The following MUC3A variants were observed in gnomAD, a reference collection of about 807,000 sequenced individuals.
The protein encoded by MUC3A is mucin-3A.
In MUC3A, 109 loss-of-function variants were observed where a neutral mutation model predicts 109.0. The ratio of observed to expected loss-of-function variants is 1.00; its 90% CI spans 0.86 to 1.17. The LOEUF (loss-of-function observed/expected upper bound fraction) is 1.17. Among genes scored for constraint, MUC3A ranks in the 50% most tolerant of loss-of-function variants. The probability of loss-of-function intolerance (pLI) is 0.00; values close to 1 mark genes in which losing one functional copy is unlikely to be tolerated. For missense variants in MUC3A, 3,537 were observed against 2,469.4 expected, an observed-to-expected ratio of 1.43 and a Z score of -9.16; for synonymous variants, 1,398 against 981.4, an observed-to-expected ratio of 1.42 and a Z score of -7.93.
rs77013428 is a variant in MUC3A, at chr7:100,952,880, C to T, written c.1101C>T (p.Leu367=). ...GTACATTGTCCACAGAGACTTCTCT[C>T]CCACCCACCTCTTCCTCTCTCCCAA... ...MTGTLSTETS[L]PPTSSSLPTT... is the part of the protein sequence containing the mutation. The change falls in exon 2 of 12, where the codon CTC becomes CTT. Residue 367 remains leucine (L), a synonymous_variant. Transcript: ENST00000379458. 10 of 1,557,724 alleles carry T rather than the reference C, an allele frequency of 6.4e-6. No homozygotes were observed. The highest frequency in any genetic ancestry group is 8.6e-6 in the Non-Finnish European group (10 of 1,159,086).
intron 4 of MUC3A, 95 bp downstream of exon 4, chr7:100,963,361 C>T: frequency 1.0e-6 from 1 of 994,386 alleles, no homozygotes; most frequent in Non-Finnish European, 1.5e-6. Context: ...TCTTGGGTCA[C>T]TGCAACCTCC....
At position 100,957,353 on chromosome 7, in the gene MUC3A, T is replaced by C. The variant is rs1465405802; in HGVS notation, c.5574T>C (p.Tyr1858=). The C allele has an allele frequency of 4.8e-6, 3 of 626,738 alleles. No individual in the cohort carries two copies. In the African/African-American group the frequency reaches 5.6e-5, roughly 12 times the overall value. 38.8% of individuals were successfully genotyped at this position (626,738 alleles called of 1,614,324 possible). A position where few individuals can be genotyped will look rare whatever the true frequency, so the allele number is the denominator to read the frequency against. Reference sequence around the variant, plus strand: ...CAGATTCCACGACCAGAACCACCTATTCCACCAATATGACAGGTACATTGT... The same window carrying C: ...CAGATTCCACGACCAGAACCACCTACTCCACCAATATGACAGGTACATTGT... ...ALTDSTTRTT[Y]STNMTGTLST... Residue 1858 remains tyrosine, a synonymous_variant, in exon 2 of 12, where the codon TAT becomes TAC. Coordinates refer to ENST00000379458, the MANE Select transcript of MUC3A (RefSeq NM_005960.2).
At position 100,957,931 on chromosome 7, in the gene MUC3A, C is replaced by A; in HGVS notation, c.6152C>A (p.Thr2051Asn). The stretch of plus-strand genomic sequence containing the variant: ...TTCACTTCTTCGATCACCACCGAGA[C>A]CACATCCCACAGTACTCCCAGCTTC... ...PSFTSSITTE[T>N]TSHSTPSFTS... is the part of the protein sequence containing the mutation. Residue 2051 changes from threonine (T) to asparagine (N), a missense_variant, in exon 2 of 12, where the codon ACC becomes AAC. Transcript: ENST00000379458. 1 of 486,802 alleles carries A rather than the reference C, an allele frequency of 2.1e-6. No individual in the cohort carries two copies. The highest frequency in any genetic ancestry group is 3.4e-6 in the Non-Finnish European group (1 of 290,658). 30.2% of individuals were successfully genotyped at this position (486,802 alleles called of 1,614,324 possible). A position where few individuals can be genotyped will look rare whatever the true frequency, so the allele number is the denominator to read the frequency against.
chr7:100,965,149 TGGG>T (rs1792483919), intron 6 of MUC3A, 130 bp from the exon 7 acceptor site: 4 of 2,558 alleles, frequency 1.6e-3, no homozygotes, highest in South Asian at 0.011. Flanking sequence ...TCTCTCCGTC[TGGG>T]AGAGGGCTCT....
At chr7:100,964,129 C>T in intron 5 of MUC3A, 1 of 395,584 alleles carries the variant, frequency 2.5e-6, no homozygotes, top group South Asian at 2.8e-5. Context: ...TGGATGATGG[C>T]TTGATGCAAC....
At chr7:100,964,034 C>A in intron 5 of MUC3A, 1 of 592,586 alleles carries the variant, frequency 1.7e-6, no homozygotes, top group Middle Eastern at 4.4e-4. Flanking sequence ...CTCTGGCTGG[C>A]CCCTGCTCTA....
chr7:100,960,585 C>A lies in MUC3A; in HGVS notation c.8806C>A (p.Arg2936Ser). 6.4e-7 allele frequency: 1 copy of A among 1,563,428 alleles called. No homozygotes were observed. The highest frequency in any genetic ancestry group is 8.7e-7 in the Non-Finnish European group (1 of 1,155,476). Reference protein sequence around the residue: ...TTQTPTTLTSRRTTRITSQMT... With the variant: ...TTQTPTTLTSSRTTRITSQMT... ...CCAGACTCCTACCACCCTTACATCACGCAGGACAACTCGCATCACTTCTCA... is the reference window on the plus strand; with the variant it reads ...CCAGACTCCTACCACCCTTACATCAAGCAGGACAACTCGCATCACTTCTCA... Residue 2936 changes from arginine (R) to serine (S), a missense_variant, in exon 2 of 12, where the codon CGC (arginine) becomes AGC (serine). By Grantham distance (110) the Arg-to-Ser change is moderately radical. Transcript: ENST00000379458.
At position 100,957,756 on chromosome 7, in the gene MUC3A, A is replaced by G; in HGVS notation, c.5977A>G (p.Thr1993Ala). The change falls in exon 2 of 12, where the codon ACT (threonine) becomes GCT (alanine). Residue 1993 changes from threonine (T) to alanine (A), a missense_variant. Transcript: ENST00000379458. ...KTTSHSTPSYTSLITTTTTTS... is the reference protein window; with the variant it reads ...KTTSHSTPSYASLITTTTTTS... ...CACCTCACACAGTACTCCCAGCTAC[A>G]CTTCTTTGATCACCACAACCACCAC... The G allele has an allele frequency of 7.3e-7, 1 of 1,367,122 alleles. No individual in the cohort carries two copies. Among genetic ancestry groups the G allele is most frequent in the South Asian group, 1.2e-5 (1 of 85,280 alleles). The allele number at this position is 1,367,122 out of a possible 1,614,324, so 84.7% of individuals were successfully genotyped here.
chr7:100,964,740 C>T lies in MUC3A; in HGVS notation c.9279C>T (p.Pro3093=). 2 of 1,598,496 alleles carry T rather than the reference C, an allele frequency of 1.3e-6. No homozygotes were observed. Among genetic ancestry groups the T allele is most frequent in the Non-Finnish European group, 1.7e-6 (2 of 1,179,784 alleles). The change falls in exon 6 of 12, where the codon CCC becomes CCT. Residue 3093 remains proline (P), a synonymous_variant. Transcript: ENST00000379458. ...VVDYLVLLEM[P]FSPQLESEYE... ...ACTACCTGGTCCTGCTGGAGATGCC[C>T]TTCAGCCCCCAGCTGGAGAGCGAGT...
chr7:100,951,687 C>CTCCA (rs1371508457), intron 1 of MUC3A, 154 bp from the exon 2 acceptor site: 1 of 746,556 alleles, frequency 1.3e-6, no homozygotes. Context: ...AAGCACCCAG[C>CTCCA]TCCAAGCTGC....
chr7:100,959,716 C>CT lies in MUC3A; in HGVS notation c.7937_7938insT (p.Ser2647LeufsTer11), dbSNP rs1792249638. 18 of 1,598,392 alleles carry CT rather than the reference C, an allele frequency of 1.1e-5. No individual in the cohort carries two copies. The highest frequency in any genetic ancestry group is 1.4e-5 in the Non-Finnish European group (17 of 1,179,798). ...ACCCTTCAAACAACTCCTTCTACTCCCTCATTGCAAACTTCACTCACATCT... is the reference window on the plus strand; with the variant it reads ...ACCCTTCAAACAACTCCTTCTACTCCTCTCATTGCAAACTTCACTCACATCT... On this transcript the variant is annotated frameshift_variant, in exon 2 of 12. Coordinates refer to ENST00000379458, the MANE Select transcript of MUC3A (RefSeq NM_005960.2). LOFTEE classifies it high-confidence loss of function.
chr7:100,957,034 CT>C lies in MUC3A; in HGVS notation c.5258del (p.Phe1753SerfsTer5). The C allele has an allele frequency of 2.2e-6, 1 of 462,718 alleles. No homozygotes were observed. The highest frequency in any genetic ancestry group is 3.8e-6 in the Non-Finnish European group (1 of 264,062). The allele number at this position is 462,718 out of a possible 1,614,324, so 28.7% of individuals were successfully genotyped here. A position where few individuals can be genotyped will look rare whatever the true frequency, so the allele number is the denominator to read the frequency against. ...LTPTSDISTG[S>X]FKTAVSSTPP... is the part of the protein sequence containing the mutation. Reference sequence around the variant, plus strand: ...CCTACCTCTGACATTTCCACAGGATCTTTCAAAACAGCCGTGAGTTCTACTC... The same window carrying C: ...CCTACCTCTGACATTTCCACAGGATCTTCAAAACAGCCGTGAGTTCTACTC... On this transcript the variant is annotated frameshift_variant, in exon 2 of 12. Transcript: ENST00000379458. LOFTEE classifies it high-confidence loss of function.
chr7:100,953,137 A>C lies in MUC3A; in HGVS notation c.1358A>C (p.His453Pro). ...IPFTTPTTIT[H>P]HSVGSTGFLT... ...TTCACAACACCAACAACTATCACCC[A>C]CCATTCTGTGGGCTCTACCGGTTTC... Residue 453 changes from histidine (H) to proline (P), a missense_variant, in exon 2 of 12, where the codon CAC becomes CCC. Coordinates refer to ENST00000379458, the MANE Select transcript of MUC3A (RefSeq NM_005960.2). The C allele has an allele frequency of 1.4e-6, 1 of 708,818 alleles. No individual in the cohort carries two copies. The highest frequency in any genetic ancestry group is 2.3e-6 in the Non-Finnish European group (1 of 427,680). The allele number at this position is 708,818 out of a possible 1,614,324, so 43.9% of individuals were successfully genotyped here. A position where few individuals can be genotyped will look rare whatever the true frequency, so the allele number is the denominator to read the frequency against.
Position 100,959,711 on chromosome 7 carries a change from T to C in MUC3A, c.7932T>C (p.Ser2644=), listed in dbSNP as rs78273697. The C allele has an allele frequency of 1.3e-6, 2 of 1,597,694 alleles. No homozygotes were observed. Among genetic ancestry groups the C allele is most frequent in the Non-Finnish European group, 1.7e-6 (2 of 1,179,328 alleles). ...CCTCCACCCTTCAAACAACTCCTTC[T>C]ACTCCCTCATTGCAAACTTCACTCA... The part of the protein sequence containing the change: ...THSSTLQTTP[S]TPSLQTSLTS... Residue 2644 remains serine (S), a synonymous_variant, in exon 2 of 12, where the codon TCT becomes TCC. Coordinates refer to ENST00000379458, the MANE Select transcript of MUC3A (RefSeq NM_005960.2).
rs1023188530 is a variant in MUC3A at position 100,963,889 on chromosome 7, G to A, written c.9233+137G>A. The A allele has an allele frequency of 7.0e-6, 9 of 1,282,514 alleles. No individual in the cohort carries two copies. In the African/African-American group the frequency reaches 8.8e-5, roughly 13 times the overall value. 79.4% of individuals were successfully genotyped at this position (1,282,514 alleles called of 1,614,324 possible). A position where few individuals can be genotyped will look rare whatever the true frequency, so the allele number is the denominator to read the frequency against. On this transcript the variant is annotated intron_variant, in intron 5 of 11. Transcript: ENST00000379458. ...GGGGGTACATAAGGAATCACTCCCTGGGTATTTTTTCGGATCGTTTTCTGG... is the reference window on the plus strand; with the variant it reads ...GGGGGTACATAAGGAATCACTCCCTAGGTATTTTTTCGGATCGTTTTCTGG...
rs759994384 is a variant in MUC3A at position 100,966,500 on chromosome 7, G to T, written c.9726G>T (p.Leu3242=). The T allele has an allele frequency of 6.2e-5, 81 of 1,307,906 alleles. No individual in the cohort carries two copies. In the Admixed American group the frequency reaches 1.7e-3, roughly 27 times the overall value. 81.0% of individuals were successfully genotyped at this position (1,307,906 alleles called of 1,614,324 possible). The change falls in exon 9 of 12, where the codon CTG becomes CTT. Residue 3242 remains leucine (L), a synonymous_variant. Coordinates refer to ENST00000379458, the MANE Select transcript of MUC3A (RefSeq NM_005960.2). ...GCGCCGCGCTGCTGGTGCTGCTGCT[G>T]CTGGCGCTGGGCGTCCGGGCGGTGC... ...TAGAALLVLL[L]LALGVRAVRS... is the part of the protein sequence containing the mutation.
In MUC3A at chr7:100,966,570, G is replaced by A; in HGVS notation, c.9785+11G>A. The A allele has an allele frequency of 1.3e-6, 2 of 1,514,140 alleles. No homozygotes were observed. The highest frequency in any genetic ancestry group is 8.8e-7 in the Non-Finnish European group (1 of 1,141,782). The allele number at this position is 1,514,140 out of a possible 1,614,324, so 93.8% of individuals were successfully genotyped here. On this transcript the variant is annotated intron_variant, in intron 9 of 11. Transcript: ENST00000379458. ...CCAGCGCCGAGGCCGGTGAGCGTGC[G>A]GGGGGCGGGGCCGGGGGGCGAGGGC...
chr7:100,953,906 C>T lies in MUC3A; in HGVS notation c.2127C>T (p.Thr709=). The T allele has an allele frequency of 2.2e-6, 1 of 445,438 alleles. No homozygotes were observed. The highest frequency in any genetic ancestry group is 3.9e-6 in the Non-Finnish European group (1 of 255,306). 27.6% of individuals were successfully genotyped at this position (445,438 alleles called of 1,614,324 possible). ...CTTCATCTATGACTACATCTGAGAC[C>T]ACCTATCCTAATTCTCCGACTGGTC... ...PNASSMTTSE[T]TYPNSPTGPG... Residue 709 remains threonine, a synonymous_variant, in exon 2 of 12, where the codon ACC becomes ACT. Coordinates refer to ENST00000379458, the MANE Select transcript of MUC3A (RefSeq NM_005960.2).
At chr7:100,962,781 C>G (rs559079773) in intron 3 of MUC3A, among the ~76,000 whole-genome samples, 1 of 145,004 alleles carries the variant, frequency 6.9e-6, no homozygotes, top group East Asian at 2.0e-4. Context: ...TTCCTTCTTT[C>G]TTTCTCTTTC....
Sources: allele counts gnomAD v4.1 joint callset (sites outside exome capture counted in the v4.1 genomes callset), GRCh38; gene constraint gnomAD v4.1.1; transcripts MANE v1.5; gene names NCBI Gene and HGNC (gene_info 2026-07-23, HGNC 2026-07-21).